GPCPD1: variants seen among roughly 807,000 people sequenced by gnomAD.
The protein encoded by GPCPD1 is glycerophosphocholine phosphodiesterase GPCPD1.
GPCPD1 carries 29 observed loss-of-function variants against 89.2 expected under a neutral mutation model. The ratio of observed to expected loss-of-function variants is 0.33; its 90% CI spans 0.24 to 0.44. GPCPD1 has a LOEUF of 0.44. Ranked by LOEUF, GPCPD1 falls within the 20% of genes least tolerant of loss-of-function variation. GPCPD1 has a pLI of 1.00. For missense variants in GPCPD1, 594 were observed against 808.9 expected (o/e 0.73, Z 3.22); for synonymous variants, 258 against 266.3 (o/e 0.97, Z 0.30).
chr20:5,551,248 G>C (rs933658095), intron 19 of GPCPD1, among the ~76,000 whole-genome samples: 5 of 152,216 alleles, frequency 3.3e-5, no homozygotes, highest in African/African-American at 1.2e-4. Context: ...AGTTCGGAAA[G>C]TTAAGACTAG....
chr20:5,566,619 C>T (rs1373243625), intron 14 of GPCPD1, 114 bp downstream of exon 14: 1 of 664,930 alleles, frequency 1.5e-6, no homozygotes, highest in East Asian at 2.5e-5. Flanking sequence ...TTTAGAAGGC[C>T]CAGTATTATA....
At position 5,578,613 on chromosome 20, in the gene GPCPD1, T is replaced by C. The variant is rs752731904; in HGVS notation, c.474-2A>G. ...AGGCCTTCTAGTGTCAGCTTCACCC[T>C]ACGTAATAAACAAAATAATGAGATG... On this transcript the variant is annotated splice_acceptor_variant, in intron 7 of 19. Transcript: ENST00000379019. LOFTEE classifies it high-confidence loss of function. The C allele has an allele frequency of 2.5e-6, 4 of 1,577,566 alleles. No individual in the cohort carries two copies. In the Admixed American group the frequency reaches 6.7e-5, roughly 26 times the overall value.
chr20:5,565,006 C>T lies in GPCPD1; in HGVS notation c.1329+11G>A. 7.4e-7 allele frequency: 1 copy of T among 1,345,950 alleles called. No individual in the cohort carries two copies. The highest frequency in any genetic ancestry group is 1.1e-6 in the Non-Finnish European group (1 of 937,588). 83.4% of individuals were successfully genotyped at this position (1,345,950 alleles called of 1,614,324 possible). On this transcript the variant is annotated intron_variant, in intron 15 of 19. Coordinates refer to ENST00000379019, the MANE Select transcript of GPCPD1 (RefSeq NM_019593.5). ...ATGATAGCCTTGCCTTGGTTTTCCT[C>T]AATAACTTACCATCTTAAGAGAAGG...
Position 5,598,722 on chromosome 20 carries a change from C to T in GPCPD1, c.146+3G>A. On this transcript the variant is annotated splice_donor_region_variant and intron_variant, in intron 3 of 19. Coordinates refer to ENST00000379019, the MANE Select transcript of GPCPD1 (RefSeq NM_019593.5). ...TTCTGTAACCTCACATTTCCATACT[C>T]ACCTTTCACCTGTGTCATTCTCTGG... 6.4e-7 allele frequency: 1 copy of T among 1,557,990 alleles called. No individual in the cohort carries two copies. Among genetic ancestry groups the T allele is most frequent in the East Asian group, 2.2e-5 (1 of 44,624 alleles).
chr20:5,576,992 C>A (rs1296130687), intron 8 of GPCPD1, among the ~76,000 whole-genome samples: 1 of 151,874 alleles, frequency 6.6e-6, no homozygotes, highest in Non-Finnish European at 1.5e-5. Context: ...ATCGCTTGAG[C>A]CCAGGAGTTC....
intron 13 of GPCPD1, among the ~76,000 whole-genome samples, chr20:5,567,130 C>T (rs1443792792): frequency 1.3e-5 from 2 of 152,086 alleles, no homozygotes; most frequent in African/African-American, 4.8e-5. Flanking sequence ...CCAACTATTG[C>T]ATAAAAGGCC....
At chr20:5,605,722 G>A (rs963167604) in intron 1 of GPCPD1, among the ~76,000 whole-genome samples, 1 of 151,954 alleles carries the variant, frequency 6.6e-6, no homozygotes, top group Non-Finnish European at 1.5e-5. Flanking sequence ...AGGTTGAGGT[G>A]AGCCCCCCCA....
At chr20:5,583,608 T>C (rs927842168) in intron 6 of GPCPD1, among the ~76,000 whole-genome samples, 1 of 152,152 alleles carries the variant, frequency 6.6e-6, no homozygotes, top group African/African-American at 2.4e-5. Context: ...AGTACACAAA[T>C]AACATTTTCA....
Position 5,578,361 on chromosome 20 carries a change from CACTGCAGTA to C in GPCPD1, c.705+10_705+18del. 1 of 1,338,970 alleles carries C rather than the reference CACTGCAGTA, an allele frequency of 7.5e-7. No individual in the cohort carries two copies. The highest frequency in any genetic ancestry group is 1.2e-5 in the South Asian group (1 of 85,618). 82.9% of individuals were successfully genotyped at this position (1,338,970 alleles called of 1,614,324 possible). On this transcript the variant is annotated intron_variant, in intron 8 of 19. Coordinates refer to ENST00000379019, the MANE Select transcript of GPCPD1 (RefSeq NM_019593.5). Reference sequence around the variant, plus strand: ...TCCCTGCATTCTTTCTCAATCCCCTCACTGCAGTAACTACTCACTTCGAAAAAATCAAAG... The same window carrying C: ...TCCCTGCATTCTTTCTCAATCCCCTCACTACTCACTTCGAAAAAATCAAAG...
chr20:5,588,074 T>C (rs73587612), intron 4 of GPCPD1, among the ~76,000 whole-genome samples: 1,842 of 152,362 alleles, frequency 0.012, 31 homozygotes, highest in African/African-American at 0.042. Flanking sequence ...AATTGCTCTT[T>C]TAAAAATATG....
chr20:5,556,871 G>A (rs1020830284), intron 19 of GPCPD1, among the ~76,000 whole-genome samples: 1 of 152,224 alleles, frequency 6.6e-6, no homozygotes, highest in Non-Finnish European at 1.5e-5. Context: ...TTAGTGCCCA[G>A]GAGGATGGAG....
chr20:5,560,137 CTG>C, intron 16 of GPCPD1, 61 bp from the exon 17 acceptor site: 2 of 1,221,450 alleles, frequency 1.6e-6, no homozygotes, highest in South Asian at 1.7e-5. Context: ...GCTAGCAACT[CTG>C]TTTTTATTCT....
At chr20:5,601,687 CA>C (rs1412138329) in intron 2 of GPCPD1, among the ~76,000 whole-genome samples, 1 of 151,612 alleles carries the variant, frequency 6.6e-6, no homozygotes, top group Non-Finnish European at 1.5e-5. Flanking sequence ...CTCTTAACAA[CA>C]AAAAAAACTT....
intron 19 of GPCPD1, among the ~76,000 whole-genome samples, 162 bp downstream of exon 19, chr20:5,557,783 T>A (rs1985859126): frequency 1.3e-5 from 2 of 152,366 alleles, no homozygotes; most frequent in South Asian, 4.1e-4. Context: ...CAAGTGATTC[T>A]GCTATCCTTC....
chr20:5,558,542 C>A, intron 18 of GPCPD1, 142 bp downstream of exon 18: 1 of 532,186 alleles, frequency 1.9e-6, no homozygotes, highest in Non-Finnish European at 3.3e-6. Flanking sequence ...ATCTAATATC[C>A]TCGTTTTTAA....
intron 8 of GPCPD1, among the ~76,000 whole-genome samples, chr20:5,576,717 T>C (rs1978290051): frequency 6.6e-6 from 1 of 152,224 alleles, no homozygotes; most frequent in Non-Finnish European, 1.5e-5. Flanking sequence ...AAAATGTTTC[T>C]ACACAAGTGT....
At chr20:5,550,219 C>A (rs1301287657) in intron 19 of GPCPD1, among the ~76,000 whole-genome samples, 2 of 94,232 alleles carry the variant, frequency 2.1e-5, no homozygotes, top group Admixed American at 1.1e-4. Flanking sequence ...AGCAAACAAA[C>A]AAAAAACATA....
At chr20:5,606,307 C>G (rs923453359) in intron 1 of GPCPD1, among the ~76,000 whole-genome samples, 6 of 152,068 alleles carry the variant, frequency 3.9e-5, no homozygotes, top group Non-Finnish European at 7.4e-5. Context: ...CTTTGCCCCC[C>G]CCACCAATGT....
At chr20:5,602,689 A>G (rs935607126) in intron 2 of GPCPD1, among the ~76,000 whole-genome samples, 1 of 152,246 alleles carries the variant, frequency 6.6e-6, no homozygotes, top group Non-Finnish European at 1.5e-5. Flanking sequence ...AGACAAGGTC[A>G]TATTTTGACC....
Sources: allele counts gnomAD v4.1 joint callset (sites outside exome capture counted in the v4.1 genomes callset), GRCh38; gene constraint gnomAD v4.1.1; transcripts MANE v1.5; gene names NCBI Gene and HGNC (gene_info 2026-07-23, HGNC 2026-07-21).